Variants in SHISA9 observed in about 807,000 individuals in gnomAD.
SHISA9 encodes shisa family member 9, also known as protein shisa-9.
A neutral mutation model predicts 38.0 loss-of-function variants in SHISA9; 13 were observed. The ratio of observed to expected loss-of-function variants is 0.34; its 90% CI spans 0.22 to 0.54. The LOEUF is 0.54. Among genes scored for constraint, SHISA9 ranks in the 20% least tolerant of loss-of-function variants. The pLI is 0.91. For missense variants in SHISA9, 538 were observed against 575.8 expected (o/e 0.93, Z 0.67); for synonymous variants, 275 against 242.0 (o/e 1.14, Z -1.27).
the SHISA9 span, among the ~76,000 whole-genome samples, chr16:13,367,700 G>A: frequency 3.7e-4 from 19 of 51,160 alleles, no homozygotes; most frequent in South Asian, 1.7e-3. Context: ...GTGTGCGTGC[G>A]CGCGCGCGCG....
At chr16:13,506,226 G>A in the SHISA9 span, among the ~76,000 whole-genome samples, 489 of 152,234 alleles carry the variant, frequency 3.2e-3, 5 homozygotes, top group African/African-American at 0.011. Flanking sequence ...CTTCACCCAG[G>A]CATTTACTCG....
chr16:12,920,204 G>A (rs1177338701), intron 2 of SHISA9, among the ~76,000 whole-genome samples: 1 of 151,982 alleles, frequency 6.6e-6, no homozygotes, highest in Non-Finnish European at 1.5e-5. Flanking sequence ...ATAGCATCAG[G>A]AGATATACCT....
At chr16:13,146,714 G>A (rs948232979) in intron 2 of SHISA9, among the ~76,000 whole-genome samples, 4 of 152,142 alleles carry the variant, frequency 2.6e-5, no homozygotes, top group Non-Finnish European at 4.4e-5. Context: ...GTCCAAGACC[G>A]CACATCTTAA....
the SHISA9 span, among the ~76,000 whole-genome samples, chr16:13,356,943 C>G: frequency 1.1e-4 from 17 of 152,104 alleles, no homozygotes; most frequent in African/African-American, 4.1e-4. Flanking sequence ...GAAGAAAAGG[C>G]ATTTAGGTTT....
chr16:13,482,830 C>T, the SHISA9 span, among the ~76,000 whole-genome samples: 1,733 of 145,148 alleles, frequency 0.012, 12 homozygotes, highest in Non-Finnish European at 0.018. Context: ...GAGAGAGAGA[C>T]GTGTCCAAGG....
the SHISA9 span, among the ~76,000 whole-genome samples, chr16:13,359,500 G>A: frequency 6.6e-6 from 1 of 152,040 alleles, no homozygotes; most frequent in Admixed American, 6.6e-5. Flanking sequence ...TAAATAAATA[G>A]CAATAATAAT....
chr16:13,503,257 A>G, the SHISA9 span, among the ~76,000 whole-genome samples: 286 of 152,370 alleles, frequency 1.9e-3, no homozygotes, highest in African/African-American at 6.4e-3. Flanking sequence ...ACACTAGTAT[A>G]GCGATATAGA....
intron 2 of SHISA9, among the ~76,000 whole-genome samples, chr16:13,116,692 A>G (rs1441548522): frequency 1.3e-5 from 2 of 152,156 alleles, no homozygotes; most frequent in East Asian, 1.9e-4. Flanking sequence ...CTGGGTTCCA[A>G]TTGCTAATCT....
the SHISA9 span, among the ~76,000 whole-genome samples, chr16:13,310,392 GA>G: frequency 6.6e-6 from 1 of 151,982 alleles, no homozygotes; most frequent in South Asian, 2.1e-4. Context: ...CATAGTTTAA[GA>G]AATAAACCCC....
chr16:13,421,281 A>G, the SHISA9 span, among the ~76,000 whole-genome samples: 1 of 152,214 alleles, frequency 6.6e-6, no homozygotes, highest in Admixed American at 6.5e-5. Context: ...ATCCGTTTTC[A>G]TACTGCTGAT....
chr16:13,367,598 A>T, the SHISA9 span, among the ~76,000 whole-genome samples: 6 of 149,982 alleles, frequency 4.0e-5, no homozygotes, highest in African/African-American at 1.5e-4. Context: ...CTGCATCATT[A>T]GTAATGAAAA....
the SHISA9 span, among the ~76,000 whole-genome samples, chr16:13,306,678 C>A: frequency 0.013 from 1,971 of 152,258 alleles, 54 homozygotes; most frequent in African/African-American, 0.045. Flanking sequence ...CATCAGGCTG[C>A]ATCTTCCAGG....
chr16:13,290,618 C>T, the SHISA9 span, among the ~76,000 whole-genome samples: 6 of 152,208 alleles, frequency 3.9e-5, no homozygotes, highest in East Asian at 1.9e-4. Context: ...CTGGGAGTGA[C>T]AATGTTACCC....
At chr16:13,269,047 T>C in the SHISA9 span, among the ~76,000 whole-genome samples, 5 of 152,202 alleles carry the variant, frequency 3.3e-5, no homozygotes, top group Non-Finnish European at 5.9e-5. Flanking sequence ...GGAGCTTGCC[T>C]GTGCTGCATA....
the SHISA9 span, among the ~76,000 whole-genome samples, chr16:13,469,233 C>A: frequency 2.1e-5 from 3 of 145,852 alleles, no homozygotes; most frequent in Non-Finnish European, 3.0e-5. Flanking sequence ...CAGAGCAAGA[C>A]TCTGCCAAGA....
At chr16:12,972,509 C>G (rs899856039) in intron 2 of SHISA9, among the ~76,000 whole-genome samples, 1 of 152,152 alleles carries the variant, frequency 6.6e-6, no homozygotes, top group Non-Finnish European at 1.5e-5. Context: ...TAGACTCCAG[C>G]AAGGAGTTTA....
chr16:13,097,337 C>T (rs556881691), intron 2 of SHISA9, among the ~76,000 whole-genome samples: 1 of 152,242 alleles, frequency 6.6e-6, no homozygotes, highest in Non-Finnish European at 1.5e-5. Context: ...CTCAGGTCAT[C>T]TACCCAAGTG....
At chr16:13,039,129 G>A (rs759529652) in intron 2 of SHISA9, among the ~76,000 whole-genome samples, 42 of 152,060 alleles carry the variant, frequency 2.8e-4, no homozygotes, top group Non-Finnish European at 5.6e-4. Context: ...GGCTGGTCTC[G>A]AACTCCTGAC....
At chr16:13,142,343 G>T (rs2050409039) in intron 2 of SHISA9, among the ~76,000 whole-genome samples, 1 of 152,152 alleles carries the variant, frequency 6.6e-6, no homozygotes, top group African/African-American at 2.4e-5. Flanking sequence ...TTCAGTTTGA[G>T]TTCCCCGAAC....
Sources: gnomAD v4.1 joint callset for allele counts (sites outside exome capture counted in the v4.1 genomes callset) on GRCh38, gnomAD v4.1.1 for gene constraint, MANE v1.5 for transcripts, NCBI Gene and HGNC (gene_info 2026-07-23, HGNC 2026-07-21) for gene names.